The following GFRA1 variants were observed in gnomAD, a reference collection of about 807,000 sequenced individuals.
GFRA1 encodes the protein GDNF family receptor alpha 1.
A neutral mutation model predicts 51.6 loss-of-function variants in GFRA1; 16 were observed. That is an observed-to-expected ratio of 0.31 (90% confidence interval 0.21 to 0.47). The LOEUF is 0.47. Among genes scored for constraint, GFRA1 ranks in the 20% least tolerant of loss-of-function variants. The pLI, the probability that GFRA1 is intolerant of heterozygous loss-of-function variation, is 1.00. For synonymous variants in GFRA1, 270 were observed against 241.3 expected (o/e 1.12, Z -1.10); for missense variants, 530 against 594.3 (o/e 0.89, Z 1.13).
intron 5 of GFRA1, among the ~76,000 whole-genome samples, chr10:116,182,426 T>C (rs1178206774): frequency 1.3e-5 from 2 of 152,220 alleles, no homozygotes; most frequent in Non-Finnish European, 2.9e-5. Context: ...CTCTCTTCCA[T>C]ACCCCCAGCC....
intron 5 of GFRA1, among the ~76,000 whole-genome samples, chr10:116,146,808 C>T (rs66765527): frequency 0.15 from 22,532 of 152,168 alleles, 2,026 homozygotes; most frequent in East Asian, 0.2. Context: ...GAGTGAAAAG[C>T]GACAGTGATC....
intron 5 of GFRA1, among the ~76,000 whole-genome samples, chr10:116,197,705 G>A (rs1964003156): frequency 6.6e-6 from 1 of 152,200 alleles, no homozygotes; most frequent in Admixed American, 6.5e-5. Context: ...CCCACTAGAA[G>A]TGCTACAAAG....
At chr10:116,182,540 A>C (rs902293648) in intron 5 of GFRA1, among the ~76,000 whole-genome samples, 10 of 152,206 alleles carry the variant, frequency 6.6e-5, no homozygotes, top group Non-Finnish European at 1.3e-4. Context: ...AACTACATTA[A>C]GGAACTCCCT....
At chr10:116,254,332 A>AAAG (rs1555173302) in intron 4 of GFRA1, among the ~76,000 whole-genome samples, 10 of 149,632 alleles carry the variant, frequency 6.7e-5, no homozygotes, top group Non-Finnish European at 1.3e-4. Context: ...AAAAAAAAAA[A>AAAG]AAAGAAAGAA....
chr10:116,182,118 A>G (rs1342086493), intron 5 of GFRA1, among the ~76,000 whole-genome samples: 1 of 143,058 alleles, frequency 7.0e-6, no homozygotes, highest in Non-Finnish European at 1.5e-5. Context: ...TGGGGAGGGC[A>G]GAGATGGGGA....
At chr10:116,193,858 C>T (rs1029412953) in intron 5 of GFRA1, among the ~76,000 whole-genome samples, 5 of 151,526 alleles carry the variant, frequency 3.3e-5, no homozygotes, top group African/African-American at 1.2e-4. Flanking sequence ...GAGATGGAGA[C>T]CATCCTGGCT....
At chr10:116,129,141 C>A (rs1009719593) in intron 5 of GFRA1, among the ~76,000 whole-genome samples, 2 of 152,164 alleles carry the variant, frequency 1.3e-5, no homozygotes, top group Non-Finnish European at 2.9e-5. Context: ...TTCAGATTCT[C>A]ATTCACACAA....
rs750944808 is a variant in GFRA1 at position 116,125,301 on chromosome 10, C to T, written c.690G>A (p.Val230=). Residue 230 remains valine, a synonymous_variant, in exon 6 of 11, where the codon GTG becomes GTA. Transcript: ENST00000355422. The part of the protein sequence containing the change: ...ACTERRRQTI[V]PVCSYEEREK... ...CCCTCTCTTCATAGGAGCACACAGG[C>T]ACGATGGTCTGTCGCCTCCGCTCTG... 1 of 1,614,230 alleles carries T rather than the reference C, an allele frequency of 6.2e-7. No individual in the cohort carries two copies. Among genetic ancestry groups the T allele is most frequent in the South Asian group, 1.1e-5 (1 of 91,088 alleles).
intron 6 of GFRA1, among the ~76,000 whole-genome samples, chr10:116,116,558 C>A (rs942453010): frequency 6.6e-6 from 1 of 152,202 alleles, no homozygotes. Flanking sequence ...GGGTGCACCA[C>A]CCACACATGC....
chr10:116,125,592 T>A, intron 5 of GFRA1, 35 bp from the exon 6 acceptor site: 6 of 1,493,046 alleles, frequency 4.0e-6, no homozygotes, highest in Non-Finnish European at 4.6e-6. Context: ...ATGGTCACAG[T>A]GCTCGGCTCT....
intron 5 of GFRA1, among the ~76,000 whole-genome samples, chr10:116,173,360 G>T (rs914419148): frequency 3.9e-5 from 6 of 152,084 alleles, no homozygotes; most frequent in Admixed American, 3.9e-4. Context: ...GTTGATGGGG[G>T]TATGATGTGG....
intron 5 of GFRA1, among the ~76,000 whole-genome samples, chr10:116,148,717 ATG>A (rs1247435091): frequency 6.6e-6 from 1 of 152,124 alleles, no homozygotes; most frequent in Non-Finnish European, 1.5e-5. Context: ...GATCATTTCC[ATG>A]TGATGGCTTT....
chr10:116,183,875 T>G (rs761264292), intron 5 of GFRA1, among the ~76,000 whole-genome samples: 3 of 152,160 alleles, frequency 2.0e-5, no homozygotes, highest in Non-Finnish European at 2.9e-5. Flanking sequence ...GGGAAATGCT[T>G]CAGTCTCACT....
chr10:116,089,411 A>G (rs1956234825), intron 9 of GFRA1, among the ~76,000 whole-genome samples: 1 of 152,210 alleles, frequency 6.6e-6, no homozygotes, highest in African/African-American at 2.4e-5. Context: ...AGCATAATAA[A>G]TATGTAACCA....
At chr10:116,148,110 G>C (rs1958910780) in intron 5 of GFRA1, among the ~76,000 whole-genome samples, 1 of 95,030 alleles carries the variant, frequency 1.1e-5, no homozygotes, top group Non-Finnish European at 2.5e-5. Context: ...GCATGCATGG[G>C]TGTGTGTGCA....
At chr10:116,187,894 CAG>C (rs1962879233) in intron 5 of GFRA1, among the ~76,000 whole-genome samples, 3 of 152,112 alleles carry the variant, frequency 2.0e-5, no homozygotes. Context: ...GGGCTGGAGA[CAG>C]AGATGCATTC....
intron 5 of GFRA1, among the ~76,000 whole-genome samples, chr10:116,167,954 T>TG (rs1223806561): frequency 6.6e-6 from 1 of 151,856 alleles, no homozygotes; most frequent in Non-Finnish European, 1.5e-5. Flanking sequence ...TGGGGAAGAT[T>TG]GGGGGGAGGG....
intron 5 of GFRA1, among the ~76,000 whole-genome samples, chr10:116,180,663 G>C (rs1962126077): frequency 6.6e-6 from 1 of 152,070 alleles, no homozygotes; most frequent in Admixed American, 6.5e-5. Context: ...TGGCCTCTCT[G>C]CCTGTTTCTA....
intron 5 of GFRA1, among the ~76,000 whole-genome samples, chr10:116,151,213 C>T (rs987146758): frequency 2.0e-5 from 3 of 152,174 alleles, no homozygotes; most frequent in Non-Finnish European, 4.4e-5. Flanking sequence ...ATGCTTTCTG[C>T]TCCTAGGTTT....
Sources: gnomAD v4.1 joint callset for allele counts (sites outside exome capture counted in the v4.1 genomes callset) on GRCh38, gnomAD v4.1.1 for gene constraint, MANE v1.5 for transcripts, NCBI Gene and HGNC (gene_info 2026-07-23, HGNC 2026-07-21) for gene names.